SOBP: variants seen among roughly 807,000 people sequenced by gnomAD.
The protein encoded by SOBP is sine oculis binding protein homolog.
SOBP carries 4 observed loss-of-function variants against 53.6 expected under a neutral mutation model. The ratio of observed to expected loss-of-function variants is 0.07; its 90% CI spans 0.04 to 0.17. The LOEUF is 0.17. Ranked by LOEUF, SOBP falls within the 10% of genes least tolerant of loss-of-function variation. The pLI is 1.00. For synonymous variants in SOBP, 584 were observed against 522.6 expected (o/e 1.12, Z -1.60); for missense variants, 1,088 against 1,204.7 (o/e 0.90, Z 1.43).
chr6:107,620,221 T>A (rs942694990), intron 5 of SOBP, among the ~76,000 whole-genome samples: 1 of 152,158 alleles, frequency 6.6e-6, no homozygotes, highest in Admixed American at 6.5e-5. Flanking sequence ...CGTTAAAGAT[T>A]TGCAGTTCCC....
chr6:107,591,605 T>C (rs982938153), intron 5 of SOBP, among the ~76,000 whole-genome samples: 7 of 152,052 alleles, frequency 4.6e-5, no homozygotes, highest in African/African-American at 1.7e-4. Context: ...CCCAGGTTAG[T>C]ATATAGGTTG....
At chr6:107,650,638 C>G (rs779747091) in intron 6 of SOBP, among the ~76,000 whole-genome samples, 23 of 152,164 alleles carry the variant, frequency 1.5e-4, no homozygotes, top group Admixed American at 1.3e-3. Flanking sequence ...TAAACTTAGT[C>G]AATAAACGTT....
rs1260522937 is a variant in SOBP at position 107,635,241 on chromosome 6, C to T, written c.2397C>T (p.Gly799=). 1 of 1,613,682 alleles carries T rather than the reference C, an allele frequency of 6.2e-7. No individual in the cohort carries two copies. The highest frequency in any genetic ancestry group is 8.5e-7 in the Non-Finnish European group (1 of 1,179,976). ...TGGGCGAGGAGGCCCTGGCGGGGGG[C>T]GACAAGTCAGACCCGAACCTTAATA... The part of the protein sequence containing the change: ...KLMGEEALAG[G]DKSDPNLNNP... Residue 799 remains glycine, a synonymous_variant, in exon 6 of 7, where the codon GGC becomes GGT. Coordinates refer to ENST00000317357, the MANE Select transcript of SOBP (RefSeq NM_018013.4). This position sits in a 1 kb window ranked among gnomAD's most constrained non-coding sequence, Gnocchi z 4.5.
chr6:107,563,444 T>A (rs1205723374), intron 4 of SOBP, among the ~76,000 whole-genome samples: 1 of 152,196 alleles, frequency 6.6e-6, no homozygotes, highest in African/African-American at 2.4e-5. Flanking sequence ...ACTCTGTAAT[T>A]ATTCTGAGAA....
chr6:107,543,203 C>T (rs1413365548), intron 4 of SOBP, among the ~76,000 whole-genome samples: 6 of 152,168 alleles, frequency 3.9e-5, no homozygotes, highest in Non-Finnish European at 7.3e-5. Context: ...CAGGTTGATT[C>T]AGCAGCACAG....
intron 6 of SOBP, among the ~76,000 whole-genome samples, chr6:107,654,635 G>A (rs961392818): frequency 7.3e-6 from 1 of 136,514 alleles, no homozygotes; most frequent in Non-Finnish European, 1.5e-5. Context: ...AGAAATGGAA[G>A]ACTTAATACT....
In SOBP at chr6:107,633,621, A is replaced by G; in HGVS notation, c.777A>G (p.Lys259=). The G allele has an allele frequency of 6.2e-7, 1 of 1,614,226 alleles. No homozygotes were observed. Among genetic ancestry groups the G allele is most frequent in the Non-Finnish European group, 8.5e-7 (1 of 1,180,046 alleles). Reference sequence around the variant, plus strand: ...GTGCAAAATGTCTCAATCAATACAAAATGGACATTTTCTACAAAGAGACCC... The same window carrying G: ...GTGCAAAATGTCTCAATCAATACAAGATGGACATTTTCTACAAAGAGACCC... ...FCSAKCLNQY[K]MDIFYKETQA... The change falls in exon 6 of 7, where the codon AAA becomes AAG. Residue 259 remains lysine (K), a synonymous_variant. Coordinates refer to ENST00000317357, the MANE Select transcript of SOBP (RefSeq NM_018013.4).
At chr6:107,528,125 A>G (rs1783717688) in intron 3 of SOBP, among the ~76,000 whole-genome samples, 3 of 152,208 alleles carry the variant, frequency 2.0e-5, no homozygotes, top group Non-Finnish European at 4.4e-5. Flanking sequence ...CTTCAGAAAG[A>G]ATCATTCATT....
chr6:107,591,786 T>C (rs984150124), intron 5 of SOBP, among the ~76,000 whole-genome samples: 1 of 152,122 alleles, frequency 6.6e-6, no homozygotes, highest in African/African-American at 2.4e-5. Flanking sequence ...TTTCTAAGTA[T>C]ACAGAATTAA....
intron 5 of SOBP, among the ~76,000 whole-genome samples, chr6:107,623,813 C>T (rs1285743332): frequency 6.6e-6 from 1 of 152,156 alleles, no homozygotes; most frequent in Non-Finnish European, 1.5e-5. Context: ...TGACCAGAAA[C>T]TCAGAGTGAA....
chr6:107,506,500 T>A, intron 3 of SOBP, 73 bp downstream of exon 3: 1 of 1,544,380 alleles, frequency 6.5e-7, no homozygotes, highest in Non-Finnish European at 8.9e-7. Flanking sequence ...GAATAATTAT[T>A]AAATGCTCAA....
At chr6:107,585,526 CAATT>C (rs772367646) in intron 4 of SOBP, among the ~76,000 whole-genome samples, 11 of 152,130 alleles carry the variant, frequency 7.2e-5, no homozygotes, top group Non-Finnish European at 1.6e-4. Context: ...ACATGAACAA[CAATT>C]AAACTTTTTT....
chr6:107,597,742 T>C (rs888363567), intron 5 of SOBP, among the ~76,000 whole-genome samples: 1 of 152,248 alleles, frequency 6.6e-6, no homozygotes, highest in East Asian at 1.9e-4. Flanking sequence ...ATCAGCCAAG[T>C]TGAAAATTGA....
At chr6:107,500,095 G>T (rs1172032928) in intron 1 of SOBP, among the ~76,000 whole-genome samples, 1 of 152,134 alleles carries the variant, frequency 6.6e-6, no homozygotes, top group Non-Finnish European at 1.5e-5. Flanking sequence ...ATGTCTCTTA[G>T]AATATATTAT....
At chr6:107,569,470 G>C (rs929956230) in intron 4 of SOBP, among the ~76,000 whole-genome samples, 2 of 152,142 alleles carry the variant, frequency 1.3e-5, no homozygotes, top group Non-Finnish European at 2.9e-5. Flanking sequence ...TGAAATAAAG[G>C]CTGGCTGAGA....
chr6:107,611,067 C>T (rs1786577413), intron 5 of SOBP, among the ~76,000 whole-genome samples: 1 of 152,220 alleles, frequency 6.6e-6, no homozygotes, highest in African/African-American at 2.4e-5. Flanking sequence ...GTGCTTTCCA[C>T]CCTCCCCAGC....
chr6:107,544,378 G>A (rs549300592), intron 4 of SOBP, among the ~76,000 whole-genome samples: 5 of 152,174 alleles, frequency 3.3e-5, no homozygotes, highest in African/African-American at 4.8e-5. Context: ...GGGAGTTGCC[G>A]TGGCCAACAA....
At position 107,601,645 on chromosome 6, in the gene SOBP, G is replaced by C. The variant is rs559186455; in HGVS notation, c.669+14470G>C. Among the ~76,000 whole-genome samples, 257 of 152,210 alleles carry C rather than the reference G, an allele frequency of 1.7e-3. 1 individual carries two copies. The highest frequency in any genetic ancestry group is 6.0e-3 in the African/African-American group (248 of 41,512). ...CCGCCTTCTGTCTCTTCCTCTCTCT[G>C]TGTGTGATTTCCACACAGAATGTCA... On this transcript the variant is annotated intron_variant, in intron 5 of 6. Coordinates refer to ENST00000317357, the MANE Select transcript of SOBP (RefSeq NM_018013.4).
intron 3 of SOBP, among the ~76,000 whole-genome samples, chr6:107,521,909 AACACACACACAC>A (rs34004579): frequency 0.086 from 12,024 of 139,266 alleles, 541 homozygotes; most frequent in African/African-American, 0.12. Context: ...CAGACATTAA[AACACACACACAC>A]ACACACACAC....
Sources: gnomAD v4.1 joint callset for allele counts (sites outside exome capture counted in the v4.1 genomes callset) on GRCh38, gnomAD v4.1.1 for gene constraint, Gnocchi (gnomAD v3.1) non-coding constraint, MANE v1.5 for transcripts, NCBI Gene and HGNC (gene_info 2026-07-23, HGNC 2026-07-21) for gene names.